NECTIN3: variants seen among roughly 807,000 people sequenced by gnomAD.
NECTIN3 encodes the protein nectin cell adhesion molecule 3, also known as nectin-3.
Under a neutral mutation model 49.4 loss-of-function variants are expected in NECTIN3, and 8 were observed. The ratio of observed to expected loss-of-function variants is 0.16; its 90% CI spans 0.10 to 0.29. The LOEUF (loss-of-function observed/expected upper bound fraction) is 0.29, where lower values mean the gene tolerates loss of function less well. Ranked by LOEUF, NECTIN3 falls within the 10% of genes least tolerant of loss-of-function variation. The probability of loss-of-function intolerance (pLI) is 1.00; values close to 1 mark genes in which losing one functional copy is unlikely to be tolerated. For synonymous variants in NECTIN3, 277 were observed against 241.1 expected (o/e 1.15, Z -1.38); for missense variants, 581 against 654.6 (o/e 0.89, Z 1.23).
intron 7 of NECTIN3, among the ~76,000 whole-genome samples, chr3:111,161,690 C>A (rs577195369): frequency 2.8e-4 from 42 of 152,324 alleles, no homozygotes; most frequent in African/African-American, 7.7e-4. Flanking sequence ...CCAAAACCAT[C>A]CCCTGTACCC....
chr3:111,071,888 C>T lies in NECTIN3; in HGVS notation c.-130C>T. 1.9e-6 allele frequency: 1 copy of T among 533,380 alleles called. No homozygotes were observed. The highest frequency in any genetic ancestry group is 2.9e-6 in the Non-Finnish European group (1 of 349,548). The allele number at this position is 533,380 out of a possible 1,614,324, so 33.0% of individuals were successfully genotyped here. A position where few individuals can be genotyped will look rare whatever the true frequency, so the allele number is the denominator to read the frequency against. On this transcript the variant is annotated 5_prime_UTR_variant, in exon 1 of 6. Coordinates refer to ENST00000485303, the MANE Select transcript of NECTIN3 (RefSeq NM_015480.3). ...CGTTCGGCCAAGTGTCAGCCGGCAGCGACGGCGCTAGAGCTGGGAGCTGGG... is the reference window on the plus strand; with the variant it reads ...CGTTCGGCCAAGTGTCAGCCGGCAGTGACGGCGCTAGAGCTGGGAGCTGGG...
chr3:111,158,041 A>G (rs1404831278), intron 7 of NECTIN3, among the ~76,000 whole-genome samples: 1 of 152,114 alleles, frequency 6.6e-6, no homozygotes, highest in African/African-American at 2.4e-5. Flanking sequence ...AACAGTAAAC[A>G]AAAATTACTT....
Position 111,192,432 on chromosome 3 carries a change from G to A in NECTIN3, c.63+19G>A, listed in dbSNP as rs148438454. On this transcript the variant is annotated intron_variant, in intron 1 of 1. Transcript: ENST00000485506. ...GCACTCTGTAAGTAACTGTGTTGTC[G>A]GTATCAGCCCAGGTGGAGCTGGTAG... The A allele has an allele frequency of 1.6e-4, 244 of 1,526,468 alleles. No individual in the cohort carries two copies. In the African/African-American group the frequency reaches 2.3e-3, roughly 14 times the overall value. The allele number at this position is 1,526,468 out of a possible 1,614,324, so 94.6% of individuals were successfully genotyped here.
At chr3:111,140,874 GTATTA>G (rs1487262393), downstream of NECTIN3, among the ~76,000 whole-genome samples, 1 of 151,904 alleles carries the variant, frequency 6.6e-6, no homozygotes, top group East Asian at 1.9e-4. Context: ...GCCAATCCAT[GTATTA>G]TATACTAGTA....
At chr3:111,094,250 T>C (rs954625322) in intron 1 of NECTIN3, among the ~76,000 whole-genome samples, 17 of 152,196 alleles carry the variant, frequency 1.1e-4, no homozygotes, top group African/African-American at 2.7e-4. Context: ...TATTGACTTA[T>C]TTTATATTTA....
chr3:111,083,592 C>A (rs1416483310), intron 1 of NECTIN3, among the ~76,000 whole-genome samples: 3 of 152,182 alleles, frequency 2.0e-5, no homozygotes, highest in Non-Finnish European at 4.4e-5. Context: ...AGAGCTGTAA[C>A]AAAGAGTGTA....
downstream of NECTIN3, among the ~76,000 whole-genome samples, chr3:111,142,337 G>C (rs1282630503): frequency 6.6e-6 from 1 of 151,712 alleles, no homozygotes; most frequent in Admixed American, 6.6e-5. Flanking sequence ...GCTCATTTCA[G>C]CAGCTACCAG....
intron 7 of NECTIN3, among the ~76,000 whole-genome samples, chr3:111,178,682 T>C (rs2035575222): frequency 6.6e-6 from 1 of 152,232 alleles, no homozygotes; most frequent in Non-Finnish European, 1.5e-5. Context: ...CACTGGTCTT[T>C]CTCCTCACTT....
chr3:111,111,871 G>T, intron 1 of NECTIN3, 159 bp from the exon 2 acceptor site: 1 of 561,994 alleles, frequency 1.8e-6, no homozygotes. Context: ...TGTGTGTGGT[G>T]CGTGTGAGTG....
At chr3:111,193,123 A>T in intron 1 of NECTIN3, 1 of 1,295,998 alleles carries the variant, frequency 7.7e-7, no homozygotes, top group Non-Finnish European at 1.1e-6. Context: ...AGTGAATTCT[A>T]TTCTTGCCTG....
chr3:111,135,310 A>G lies in NECTIN3; in HGVS notation c.*1095A>G, dbSNP rs2034539356. The G allele has an allele frequency of 1.0e-6, 1 of 956,830 alleles. No individual in the cohort carries two copies. The highest frequency in any genetic ancestry group is 1.2e-6 in the Non-Finnish European group (1 of 804,430). 59.3% of individuals were successfully genotyped at this position (956,830 alleles called of 1,614,324 possible). The stretch of plus-strand genomic sequence containing the variant: ...CACTTGCTAATGGACATTGGCATTC[A>G]TCTCCTTTTTCCTCCTAAGTGTATG... On this transcript the variant is annotated 3_prime_UTR_variant, in exon 6 of 6. Coordinates refer to ENST00000485303, the MANE Select transcript of NECTIN3 (RefSeq NM_015480.3).
intron 7 of NECTIN3, among the ~76,000 whole-genome samples, chr3:111,148,254 A>G (rs748304157): frequency 2.4e-4 from 37 of 152,348 alleles, no homozygotes; most frequent in Middle Eastern, 6.8e-3. Context: ...AATTTGGTGG[A>G]AAAATTCTAA....
chr3:111,072,619 G>A (rs946890126), intron 1 of NECTIN3: 22 of 1,509,930 alleles, frequency 1.5e-5, no homozygotes, highest in Non-Finnish European at 2.0e-5. Context: ...AAGCCTCCGG[G>A]TCCACTTCTC....
chr3:111,150,387 G>A (rs567108379), intron 7 of NECTIN3, among the ~76,000 whole-genome samples: 6 of 151,770 alleles, frequency 4.0e-5, no homozygotes, highest in East Asian at 3.9e-4. Flanking sequence ...TCCTAAAACC[G>A]TTTTATGAAC....
Position 111,134,111 on chromosome 3 carries a change from A to G in NECTIN3, c.1546A>G (p.Met516Val). ...RPMDYYEDLK[M>V]GMKFVSDEHY... ...AATGGATTATTATGAAGATCTAAAA[A>G]TGGGAATGAAGTTTGTCAGTGATGA... is the stretch of plus-strand genomic sequence containing the variant. The change falls in exon 6 of 6, where the codon ATG becomes GTG. Residue 516 changes from methionine (M) to valine (V), a missense_variant. By Grantham distance (21) the Met-to-Val change is conservative. Coordinates refer to ENST00000485303, the MANE Select transcript of NECTIN3 (RefSeq NM_015480.3). 2 of 1,613,642 alleles carry G rather than the reference A, an allele frequency of 1.2e-6. No individual in the cohort carries two copies. The highest frequency in any genetic ancestry group is 1.7e-6 in the Non-Finnish European group (2 of 1,179,682).
At chr3:111,193,204 G>A in intron 1 of NECTIN3, 3 of 1,535,174 alleles carry the variant, frequency 2.0e-6, no homozygotes, top group Non-Finnish European at 2.6e-6. Flanking sequence ...TTTTAGAATG[G>A]ACTAAATAGC....
chr3:111,143,206 A>G (rs1294694686), intron 5 of NECTIN3, among the ~76,000 whole-genome samples: 2 of 151,926 alleles, frequency 1.3e-5, no homozygotes, highest in Non-Finnish European at 2.9e-5. Flanking sequence ...CTGGGTTTCA[A>G]TATTTTTTTT....
intron 1 of NECTIN3, among the ~76,000 whole-genome samples, chr3:111,102,833 A>C (rs1288266472): frequency 6.6e-6 from 1 of 152,198 alleles, no homozygotes; most frequent in Non-Finnish European, 1.5e-5. Flanking sequence ...TGAAAGATAT[A>C]AAATCTGTGT....
intron 4 of NECTIN3, 39 bp downstream of exon 4, chr3:111,122,277 T>C (rs1347113989): frequency 3.5e-6 from 5 of 1,435,610 alleles, no homozygotes; most frequent in Non-Finnish European, 3.9e-6. Flanking sequence ...TATCTAAAAG[T>C]GAAACCTTCT....
Sources: gnomAD v4.1 joint callset for allele counts (sites outside exome capture counted in the v4.1 genomes callset) on GRCh38, gnomAD v4.1.1 for gene constraint, MANE v1.5 for transcripts, NCBI Gene and HGNC (gene_info 2026-07-23, HGNC 2026-07-21) for gene names.